The following HS3ST5 variants were observed in gnomAD, a reference collection of about 807,000 sequenced individuals.
HS3ST5 encodes the protein heparan sulfate-glucosamine 3-sulfotransferase 5.
Under a neutral mutation model 25.4 loss-of-function variants are expected in HS3ST5, and 10 were observed. The observed-to-expected ratio is 0.39, with a 90% confidence interval of 0.24 to 0.67. HS3ST5 has a LOEUF of 0.67. HS3ST5 is among the 30% of genes least tolerant of loss of function. The pLI is 0.44. For missense variants in HS3ST5, 324 were observed against 420.7 expected (o/e 0.77, Z 2.01); for synonymous variants, 170 against 162.4 (o/e 1.05, Z -0.36).
chr6:114,126,458 A>G (rs1049510918), intron 3 of HS3ST5, among the ~76,000 whole-genome samples: 2 of 152,186 alleles, frequency 1.3e-5, no homozygotes, highest in East Asian at 3.9e-4. Context: ...TGCAGATTTG[A>G]GATTAAGAAA....
intron 3 of HS3ST5, among the ~76,000 whole-genome samples, chr6:114,139,923 C>T (rs1023901167): frequency 6.6e-6 from 1 of 152,186 alleles, no homozygotes; most frequent in Non-Finnish European, 1.5e-5. Context: ...TGCTAGATGT[C>T]GGGTATCAGA....
intron 1 of HS3ST5, among the ~76,000 whole-genome samples, chr6:114,341,265 G>GAGAGAGAGA (rs1776855774): frequency 6.7e-6 from 1 of 148,402 alleles, no homozygotes; most frequent in Non-Finnish European, 1.5e-5. Flanking sequence ...GAGAGAGTGA[G>GAGAGAGAGA]TCCCACCGGG....
intron 1 of HS3ST5, among the ~76,000 whole-genome samples, chr6:114,238,181 C>T (rs1414446568): frequency 1.3e-5 from 2 of 152,218 alleles, no homozygotes; most frequent in Non-Finnish European, 2.9e-5. Context: ...ATGACTAAAA[C>T]TCTCCCATGA....
At chr6:114,295,441 T>C (rs1381428304) in intron 1 of HS3ST5, among the ~76,000 whole-genome samples, 1 of 152,228 alleles carries the variant, frequency 6.6e-6, no homozygotes, top group East Asian at 1.9e-4. Flanking sequence ...AAGACTGTAT[T>C]GACCATGGTA....
At chr6:114,095,379 C>T (rs1212713018) in intron 3 of HS3ST5, among the ~76,000 whole-genome samples, 2 of 152,108 alleles carry the variant, frequency 1.3e-5, no homozygotes, top group Non-Finnish European at 2.9e-5. Flanking sequence ...TGCTTCATAC[C>T]CGTCAAACTA....
intron 1 of HS3ST5, among the ~76,000 whole-genome samples, chr6:114,314,727 G>C (rs546280059): frequency 6.6e-6 from 1 of 152,230 alleles, no homozygotes; most frequent in African/African-American, 2.4e-5. Flanking sequence ...ATAACTTTAG[G>C]AGTATCCTTT....
At chr6:114,101,300 T>C (rs1775716455) in intron 3 of HS3ST5, among the ~76,000 whole-genome samples, 1 of 152,222 alleles carries the variant, frequency 6.6e-6, no homozygotes, top group Non-Finnish European at 1.5e-5. Context: ...TAACATGTTT[T>C]AAAAATATAC....
At chr6:114,309,569 T>A (rs1775444690) in intron 1 of HS3ST5, among the ~76,000 whole-genome samples, 1 of 151,986 alleles carries the variant, frequency 6.6e-6, no homozygotes, top group Non-Finnish European at 1.5e-5. Context: ...CCTATCTCTA[T>A]TAAAAATACA....
chr6:114,280,075 A>G (rs1362443298), intron 1 of HS3ST5, among the ~76,000 whole-genome samples: 1 of 151,846 alleles, frequency 6.6e-6, no homozygotes, highest in Non-Finnish European at 1.5e-5. Flanking sequence ...TTCCCAAAGA[A>G]GTGATATCTA....
chr6:114,102,292 A>C (rs1369307331), intron 3 of HS3ST5, among the ~76,000 whole-genome samples: 2 of 152,210 alleles, frequency 1.3e-5, no homozygotes, highest in Admixed American at 6.5e-5. Context: ...AAATGGTTGC[A>C]CATAGTTCTT....
At chr6:114,300,577 T>C (rs909622581) in intron 1 of HS3ST5, among the ~76,000 whole-genome samples, 4 of 152,112 alleles carry the variant, frequency 2.6e-5, no homozygotes, top group African/African-American at 9.7e-5. Flanking sequence ...GCACAACCAC[T>C]TTGGAAAACA....
At chr6:114,284,167 A>G (rs1254849980) in intron 1 of HS3ST5, among the ~76,000 whole-genome samples, 1 of 152,000 alleles carries the variant, frequency 6.6e-6, no homozygotes, top group Non-Finnish European at 1.5e-5. Flanking sequence ...CCCACCTTAT[A>G]GGGGAACTTA....
chr6:114,181,317 C>T (rs1024417728), intron 2 of HS3ST5, among the ~76,000 whole-genome samples: 2 of 152,130 alleles, frequency 1.3e-5, no homozygotes, highest in Admixed American at 1.3e-4. Context: ...TCACCCAAAC[C>T]ATGGATATCT....
At chr6:114,238,805 C>T (rs191637146) in intron 1 of HS3ST5, among the ~76,000 whole-genome samples, 33 of 152,292 alleles carry the variant, frequency 2.2e-4, no homozygotes, top group East Asian at 1.5e-3. Context: ...CCACAGCCCC[C>T]GCCACCATAT....
chr6:114,084,472 C>T (rs1237540859), intron 3 of HS3ST5: 1 of 757,306 alleles, frequency 1.3e-6, no homozygotes, highest in Non-Finnish European at 2.4e-6. Context: ...CATGACCTCC[C>T]GCGGGTATTC....
At chr6:114,214,329 T>A (rs1041256025) in intron 2 of HS3ST5, among the ~76,000 whole-genome samples, 4 of 152,226 alleles carry the variant, frequency 2.6e-5, no homozygotes, top group Admixed American at 2.0e-4. Flanking sequence ...AGCAACGTAC[T>A]TTTTCTCGTC....
intron 1 of HS3ST5, among the ~76,000 whole-genome samples, chr6:114,283,164 T>C (rs1331266037): frequency 2.6e-5 from 4 of 151,968 alleles, no homozygotes; most frequent in Non-Finnish European, 5.9e-5. Context: ...ATGAATGCTG[T>C]TTAAATACCA....
intron 1 of HS3ST5, among the ~76,000 whole-genome samples, chr6:114,232,216 A>G (rs1771631886): frequency 6.6e-6 from 1 of 152,164 alleles, no homozygotes; most frequent in South Asian, 2.1e-4. Flanking sequence ...ATAATGAGAG[A>G]ATCCTAAATC....
chr6:114,140,719 C>G lies in HS3ST5; in HGVS notation c.-33+27632G>C, dbSNP rs5004959. 9.7e-3 allele frequency among the ~76,000 whole-genome samples: 1,482 copies of G among 152,262 alleles called. 22 individuals are homozygous for G. Among genetic ancestry groups the G allele is most frequent in the African/African-American group, 0.034 (1,399 of 41,536 alleles). The stretch of plus-strand genomic sequence containing the variant: ...AGCACGAGGAATGCAGAGAGGGCTG[C>G]TCTGAGATTGAGCCACAAGGGAGAA... On this transcript the variant is annotated intron_variant, in intron 3 of 4. Coordinates refer to ENST00000312719, the MANE Select transcript of HS3ST5 (RefSeq NM_153612.4).
Sources: gnomAD v4.1 joint callset for allele counts (sites outside exome capture counted in the v4.1 genomes callset) on GRCh38, gnomAD v4.1.1 for gene constraint, MANE v1.5 for transcripts, NCBI Gene and HGNC (gene_info 2026-07-23, HGNC 2026-07-21) for gene names.